The following DAB1 variants were observed in gnomAD, a reference collection of about 807,000 sequenced individuals.
DAB1 encodes the protein disabled homolog 1.
In DAB1, 15 loss-of-function variants were observed where a neutral mutation model predicts 64.6. That is an observed-to-expected ratio of 0.23 (90% CI 0.16 to 0.36). The LOEUF is 0.36. Ranked by LOEUF, DAB1 falls within the 10% of genes least tolerant of loss-of-function variation. DAB1 has a pLI of 1.00. For missense variants in DAB1, 596 were observed against 706.7 expected, an observed-to-expected ratio of 0.84 and a Z score of 1.78; for synonymous variants, 235 against 251.9, an observed-to-expected ratio of 0.93 and a Z score of 0.64.
intron 3 of DAB1, 28 bp from the exon 4 acceptor site, chr1:57,136,669 C>T: frequency 6.9e-7 from 1 of 1,457,724 alleles, no homozygotes; most frequent in South Asian, 1.4e-5. Flanking sequence ...ATGGTTTTTA[C>T]TTAAGTGTTT....
intron 7 of DAB1, among the ~76,000 whole-genome samples, chr1:57,435,684 AC>A (rs1320753907): frequency 1.3e-5 from 2 of 152,162 alleles, no homozygotes; most frequent in Non-Finnish European, 2.9e-5. Context: ...AGGGGCAGTA[AC>A]ATGCATGAGC....
intron 1 of DAB1, chr1:58,541,594 G>T: frequency 1.5e-5 from 1 of 64,716 alleles, no homozygotes; most frequent in African/African-American, 5.8e-5. Context: ...TCCGGCGTGG[G>T]CAACAGAATG....
chr1:57,489,100 T>C (rs1281971600), intron 7 of DAB1, among the ~76,000 whole-genome samples: 2 of 152,206 alleles, frequency 1.3e-5, no homozygotes. Flanking sequence ...TCCACAATTA[T>C]TGAAAGTGGG....
At chr1:57,145,145 C>T (rs552272574) in intron 3 of DAB1, 145 bp downstream of exon 3, 16 of 797,858 alleles carry the variant, frequency 2.0e-5, no homozygotes, top group Middle Eastern at 3.8e-4. Context: ...AAATATCTTC[C>T]GAATGAAAAA....
chr1:58,155,131 G>T (rs982851016), intron 4 of DAB1, among the ~76,000 whole-genome samples: 17 of 152,176 alleles, frequency 1.1e-4, no homozygotes, highest in African/African-American at 3.9e-4. Flanking sequence ...TGGTACTAAT[G>T]TTACCTAACT....
intron 4 of DAB1, among the ~76,000 whole-genome samples, chr1:58,155,870 A>G (rs1257127371): frequency 3.3e-5 from 5 of 151,766 alleles, no homozygotes; most frequent in Non-Finnish European, 4.4e-5. Context: ...CCAAACTAAC[A>G]CTCCTGGTGG....
intron 1 of DAB1, among the ~76,000 whole-genome samples, chr1:58,543,221 G>A (rs1038996884): frequency 1.3e-5 from 2 of 152,264 alleles, no homozygotes. Flanking sequence ...TGATCTCTAA[G>A]ACGTTTACAT....
At chr1:57,547,754 C>A (rs1309171205) in intron 7 of DAB1, among the ~76,000 whole-genome samples, 1 of 152,114 alleles carries the variant, frequency 6.6e-6, no homozygotes, top group African/African-American at 2.4e-5. Flanking sequence ...CAAATAACGT[C>A]TATAGTTTAT....
rs548402783 is a variant in DAB1, at chr1:58,325,944, T to C, written n.309+17408A>G. Among the ~76,000 whole-genome samples the C allele has an allele frequency of 3.3e-5, 5 of 152,268 alleles. No homozygotes were observed. The South Asian group carries it at 6.2e-4, about 19-fold the overall frequency. On this transcript the variant is annotated intron_variant and non_coding_transcript_variant, in intron 4 of 20. Coordinates refer to the DAB1 transcript ENST00000485760. The stretch of plus-strand genomic sequence containing the variant: ...ATGGTATCACCCTCTGAGGCTCCCA[T>C]GGTTGCAGCAGACTTCAGATATGGA...
chr1:57,903,795 A>T (rs1557546919), intron 5 of DAB1, among the ~76,000 whole-genome samples: 1 of 152,174 alleles, frequency 6.6e-6, no homozygotes, highest in Non-Finnish European at 1.5e-5. Flanking sequence ...AACCAAGCAC[A>T]AAGCAGCAGC....
intron 3 of DAB1, among the ~76,000 whole-genome samples, chr1:58,399,949 AGTAGTCTTTG>A (rs1644555705): frequency 6.6e-6 from 1 of 152,134 alleles, no homozygotes; most frequent in South Asian, 2.1e-4. Flanking sequence ...TGTTTTATTT[AGTAGTCTTTG>A]GTTGTAACGA....
At chr1:57,429,181 T>C (rs1685407497) in intron 7 of DAB1, among the ~76,000 whole-genome samples, 1 of 152,170 alleles carries the variant, frequency 6.6e-6, no homozygotes, top group Non-Finnish European at 1.5e-5. Flanking sequence ...TCCAAAGTGC[T>C]AGGAGTGTGA....
At chr1:57,605,866 A>T (rs1645629686) in intron 7 of DAB1, 2 of 606,370 alleles carry the variant, frequency 3.3e-6, no homozygotes, top group Admixed American at 2.0e-5. Flanking sequence ...TGCAACGGTG[A>T]CTTCCACTTC....
At chr1:58,135,059 A>C (rs533292640) in intron 5 of DAB1, among the ~76,000 whole-genome samples, 21 of 152,322 alleles carry the variant, frequency 1.4e-4, no homozygotes, top group Admixed American at 1.3e-3. Flanking sequence ...TCCTGTCTTC[A>C]ATCCTATTAG....
intron 7 of DAB1, among the ~76,000 whole-genome samples, chr1:57,529,825 T>G (rs148764706): frequency 2.2e-4 from 34 of 152,290 alleles, no homozygotes; most frequent in African/African-American, 7.7e-4. Flanking sequence ...TTGTTGTTTT[T>G]TAGCTGAGAG....
At chr1:58,290,346 T>C (rs905378127) in intron 4 of DAB1, among the ~76,000 whole-genome samples, 14 of 152,112 alleles carry the variant, frequency 9.2e-5, no homozygotes, top group African/African-American at 3.4e-4. Flanking sequence ...CAGAGAAGGA[T>C]TTGTAAGGGC....
rs544030014 is a variant in DAB1, at chr1:57,200,907, C to T, written c.68-55478G>A. The stretch of plus-strand genomic sequence containing the variant: ...TGAGGCAAGTAGTTTTTCTTAGCAT[C>T]TCAATTCATTACAGGGTCCTTATTA... On this transcript the variant is annotated intron_variant, in intron 2 of 14. Transcript: ENST00000371236. Among the ~76,000 whole-genome samples the T allele has an allele frequency of 2.0e-5, 3 of 152,310 alleles. No individual in the cohort carries two copies. In the South Asian group the frequency reaches 6.2e-4, roughly 32 times the overall value.
chr1:58,331,791 C>T (rs1208390270), intron 4 of DAB1, among the ~76,000 whole-genome samples: 2 of 152,210 alleles, frequency 1.3e-5, no homozygotes, highest in African/African-American at 4.8e-5. Context: ...ATAGTGTAAA[C>T]ATAACTTTTA....
chr1:57,272,895 T>A (rs1671124340), intron 2 of DAB1, among the ~76,000 whole-genome samples: 1 of 152,150 alleles, frequency 6.6e-6, no homozygotes, highest in Non-Finnish European at 1.5e-5. Flanking sequence ...CCTTTGTTTG[T>A]GATAAGAAGA....
Sources: gnomAD v4.1 joint callset for allele counts (sites outside exome capture counted in the v4.1 genomes callset) on GRCh38, gnomAD v4.1.1 for gene constraint, MANE v1.5 for transcripts, NCBI Gene and HGNC (gene_info 2026-07-23, HGNC 2026-07-21) for gene names.